The following TGM3 variants were observed in gnomAD, a reference collection of about 807,000 sequenced individuals.
The protein encoded by TGM3 is protein-glutamine gamma-glutamyltransferase E.
In TGM3, 52 loss-of-function variants were observed where a neutral mutation model predicts 73.8. That is an observed-to-expected ratio of 0.70 (90% CI 0.56 to 0.89). TGM3 has a LOEUF of 0.89. TGM3 is among the 40% of genes least tolerant of loss of function. The pLI is 0.00. For missense variants in TGM3, 928 were observed against 909.9 expected, an observed-to-expected ratio of 1.02 and a Z score of -0.26; for synonymous variants, 372 against 354.9, an observed-to-expected ratio of 1.05 and a Z score of -0.54.
At chr20:2,304,716 T>C (rs868645158) in intron 1 of TGM3, among the ~76,000 whole-genome samples, 1 of 152,174 alleles carries the variant, frequency 6.6e-6, no homozygotes. Context: ...CCAAGCGATT[T>C]GCAGTGGACA....
chr20:2,305,542 TAAC>T (rs1021595782), intron 1 of TGM3, among the ~76,000 whole-genome samples: 12 of 152,198 alleles, frequency 7.9e-5, no homozygotes, highest in African/African-American at 2.4e-4. Flanking sequence ...ACCACATACA[TAAC>T]ATGTTCTGTG....
intron 7 of TGM3, among the ~76,000 whole-genome samples, chr20:2,321,491 C>T (rs1198573866): frequency 1.3e-5 from 2 of 152,162 alleles, no homozygotes; most frequent in East Asian, 3.9e-4. Flanking sequence ...GGTTTGGGGC[C>T]ACTTTCTAGG....
At chr20:2,325,509 T>A (rs916400315) in intron 7 of TGM3, among the ~76,000 whole-genome samples, 1 of 152,164 alleles carries the variant, frequency 6.6e-6, no homozygotes, top group African/African-American at 2.4e-5. Context: ...CAATCTGGAT[T>A]CGTTCTGCTC....
rs1374027048 is a variant in TGM3, at chr20:2,312,972, T to G, written c.615T>G (p.Thr205=). ...TGAATTTCCGCCGTGACGCTGCTAC[T>G]GATGTGGCCAGCAGAAATGACCCCA... ...RSLNFRRDAA[T]DVASRNDPKY... Residue 205 remains threonine (T), a synonymous_variant, in exon 5 of 13, where the codon ACT becomes ACG. Coordinates refer to ENST00000381458, the MANE Select transcript of TGM3 (RefSeq NM_003245.4). 1 of 1,614,120 alleles carries G rather than the reference T, an allele frequency of 6.2e-7. No homozygotes were observed.
chr20:2,336,844 G>T (rs2013961), intron 11 of TGM3, among the ~76,000 whole-genome samples: 42,286 of 151,544 alleles, frequency 0.28, 6,210 homozygotes, highest in East Asian at 0.46. Flanking sequence ...CTGAGTCTCA[G>T]TTGCTCCAAC....
intron 9 of TGM3, among the ~76,000 whole-genome samples, chr20:2,331,382 T>C (rs777488513): frequency 1.3e-5 from 2 of 152,332 alleles, no homozygotes; most frequent in Non-Finnish European, 2.9e-5. Flanking sequence ...CCCATCTTTT[T>C]ATCCAGTCTT....
chr20:2,317,928 TATATATATATATATC>T (rs1244222063), intron 7 of TGM3, among the ~76,000 whole-genome samples: 12 of 142,188 alleles, frequency 8.4e-5, no homozygotes, highest in South Asian at 2.3e-4. Flanking sequence ...TTAGCATATA[TATATATATATATATC>T]ATATATATAT....
At chr20:2,339,274 A>T (rs2084367533) in intron 11 of TGM3, among the ~76,000 whole-genome samples, 2 of 152,204 alleles carry the variant, frequency 1.3e-5, no homozygotes, top group African/African-American at 4.8e-5. Context: ...GGCCTCCCAG[A>T]GACGGAGGTT....
intron 9 of TGM3, 50 bp from the exon 10 acceptor site, chr20:2,331,952 C>G (rs1224722477): frequency 1.3e-6 from 2 of 1,557,538 alleles, no homozygotes; most frequent in African/African-American, 2.7e-5. Context: ...GTCCTTTGCC[C>G]AGGTTGCCAT....
intron 10 of TGM3, among the ~76,000 whole-genome samples, chr20:2,333,351 A>T (rs533131511): frequency 1.4e-4 from 22 of 152,204 alleles, no homozygotes; most frequent in Non-Finnish European, 3.1e-4. Context: ...TGACCTTAGA[A>T]ACTCAAAGAA....
intron 7 of TGM3, 109 bp downstream of exon 7, chr20:2,317,594 C>T: frequency 6.9e-7 from 1 of 1,441,704 alleles, no homozygotes; most frequent in South Asian, 1.2e-5. Flanking sequence ...AGGCAAGTAA[C>T]ATGTCATCAC....
intron 8 of TGM3, among the ~76,000 whole-genome samples, chr20:2,327,912 T>C (rs1474846786): frequency 6.6e-6 from 1 of 152,112 alleles, no homozygotes; most frequent in Non-Finnish European, 1.5e-5. Flanking sequence ...TGTAGTCTTA[T>C]GTAGAGGTTG....
At position 2,340,693 on chromosome 20, in the gene TGM3, C is replaced by A; in HGVS notation, c.*112C>A. ...GGCCTGGGAAACCCTCTCCATCTCC[C>A]AAGGCTGCCAGACATGGACCTCCAG... On this transcript the variant is annotated 3_prime_UTR_variant, in exon 13 of 13. Coordinates refer to ENST00000381458, the MANE Select transcript of TGM3 (RefSeq NM_003245.4). The A allele has an allele frequency of 1.4e-6, 2 of 1,431,940 alleles. No individual in the cohort carries two copies. Among genetic ancestry groups the A allele is most frequent in the Non-Finnish European group, 1.9e-6 (2 of 1,041,498 alleles). 88.7% of individuals were successfully genotyped at this position (1,431,940 alleles called of 1,614,324 possible). A position where few individuals can be genotyped will look rare whatever the true frequency, so the allele number is the denominator to read the frequency against.
chr20:2,323,389 G>T (rs1409713189), intron 7 of TGM3, among the ~76,000 whole-genome samples: 1 of 152,124 alleles, frequency 6.6e-6, no homozygotes. Flanking sequence ...GATTTTGCTT[G>T]TCCTTTTTGA....
chr20:2,313,398 G>GAT, intron 5 of TGM3, among the ~76,000 whole-genome samples: 1 of 152,224 alleles, frequency 6.6e-6, no homozygotes, highest in South Asian at 2.1e-4. Context: ...GGGAAAGGAA[G>GAT]CGAGACCCTG....
At chr20:2,335,712 C>A (rs937054372) in intron 11 of TGM3, among the ~76,000 whole-genome samples, 3 of 150,256 alleles carry the variant, frequency 2.0e-5, no homozygotes, top group Non-Finnish European at 4.5e-5. Flanking sequence ...AGGTCTCACA[C>A]ACAGCCAGCT....
rs1343174277 is a variant in TGM3, at chr20:2,328,019, A to C, written c.1088-101A>C. On this transcript the variant is annotated intron_variant, in intron 8 of 12. Coordinates refer to ENST00000381458, the MANE Select transcript of TGM3 (RefSeq NM_003245.4). This position sits in a 1 kb window ranked among gnomAD's most constrained non-coding sequence, Gnocchi z 5.2. The stretch of plus-strand genomic sequence containing the variant: ...AGGGGTGAAGGAATTTGGGCGGGGC[A>C]GAGGCAGGGGGTTGCAGTGGTCCTG... 1 of 1,540,180 alleles carries C rather than the reference A, an allele frequency of 6.5e-7. No homozygotes were observed. The highest frequency in any genetic ancestry group is 8.8e-7 in the Non-Finnish European group (1 of 1,130,208).
chr20:2,300,105 TAA>T (rs5839945), intron 1 of TGM3, among the ~76,000 whole-genome samples: 13 of 139,044 alleles, frequency 9.3e-5, no homozygotes, highest in African/African-American at 3.0e-4. Context: ...AGACTCCATT[TAA>T]AAAAAAAATA....
intron 7 of TGM3, among the ~76,000 whole-genome samples, chr20:2,320,334 T>C (rs1000958215): frequency 2.6e-5 from 4 of 152,232 alleles, no homozygotes; most frequent in African/African-American, 9.6e-5. Flanking sequence ...GGTACTGTTA[T>C]AAGTGCTTAG....
Sources: gnomAD v4.1 joint callset for allele counts (sites outside exome capture counted in the v4.1 genomes callset) on GRCh38, gnomAD v4.1.1 for gene constraint, Gnocchi (gnomAD v3.1) non-coding constraint, MANE v1.5 for transcripts, NCBI Gene and HGNC (gene_info 2026-07-23, HGNC 2026-07-21) for gene names.